Variants in XRRA1 observed in about 807,000 individuals in gnomAD.
The protein encoded by XRRA1 is X-ray radiation resistance associated 1, also known as X-ray radiation resistance-associated protein 1.
XRRA1 carries 69 observed loss-of-function variants against 80.2 expected under a neutral mutation model. The ratio of observed to expected loss-of-function variants is 0.86; its 90% confidence interval spans 0.71 to 1.05. XRRA1 has a LOEUF of 1.05. XRRA1 is among the 50% of genes least tolerant of loss of function. The probability of loss-of-function intolerance (pLI) is 0.00; values close to 1 mark genes in which losing one functional copy is unlikely to be tolerated. For synonymous variants in XRRA1, 348 were observed against 389.9 expected (o/e 0.89, Z 1.27); for missense variants, 967 against 976.4 (o/e 0.99, Z 0.13).
At chr11:74,890,013 A>G (rs1365671678) in intron 10 of XRRA1, among the ~76,000 whole-genome samples, 1 of 152,332 alleles carries the variant, frequency 6.6e-6, no homozygotes, top group East Asian at 1.9e-4. Context: ...GTTAACAAGG[A>G]TATCCAGGAA....
chr11:74,844,189 G>T lies in XRRA1; in HGVS notation c.2022C>A (p.Pro674=). ...SKPKLDTLQK[P]YVHKEKRAQR... ...TTACCCGTTTCTCTTTGTGAACATA[G>T]GGTTTCTGAAGAGTGTCCAGCTTGG... The change falls in exon 17 of 19, where the codon CCC becomes CCA. Residue 674 remains proline (P), a synonymous_variant. Transcript: ENST00000684022. 1 of 1,613,894 alleles carries T rather than the reference G, an allele frequency of 6.2e-7. No individual in the cohort carries two copies. Among genetic ancestry groups the T allele is most frequent in the South Asian group, 1.1e-5 (1 of 91,084 alleles).
At chr11:74,944,104 C>A (rs562289368) in intron 2 of XRRA1, among the ~76,000 whole-genome samples, 2 of 152,332 alleles carry the variant, frequency 1.3e-5, no homozygotes, top group Admixed American at 6.5e-5. Context: ...GTGGAAATAA[C>A]TGCTGCTTTT....
chr11:74,943,070 C>G (rs1219416046), intron 2 of XRRA1, among the ~76,000 whole-genome samples: 1 of 152,178 alleles, frequency 6.6e-6, no homozygotes, highest in African/African-American at 2.4e-5. Context: ...CCCAAGTGTT[C>G]CATTTCCCTA....
intron 10 of XRRA1, among the ~76,000 whole-genome samples, chr11:74,879,960 C>T (rs1193513158): frequency 1.3e-5 from 2 of 152,126 alleles, no homozygotes; most frequent in Middle Eastern, 6.8e-3. Flanking sequence ...GCTTTGGTAT[C>T]AGAATGATGC....
chr11:74,855,295 T>C (rs1373092393), intron 12 of XRRA1, among the ~76,000 whole-genome samples: 2 of 152,090 alleles, frequency 1.3e-5, no homozygotes, highest in African/African-American at 4.8e-5. Flanking sequence ...CAAGAGACAA[T>C]CACTAAAGAA....
At chr11:74,875,193 G>A (rs1228014953) in intron 10 of XRRA1, among the ~76,000 whole-genome samples, 1 of 152,164 alleles carries the variant, frequency 6.6e-6, no homozygotes, top group Non-Finnish European at 1.5e-5. Context: ...ATGCATTGTA[G>A]GACATCAGAA....
At chr11:74,875,640 G>A (rs1168303317) in intron 10 of XRRA1, among the ~76,000 whole-genome samples, 4 of 152,096 alleles carry the variant, frequency 2.6e-5, no homozygotes, top group Admixed American at 6.5e-5. Flanking sequence ...GCACTTTGGC[G>A]GGTGGATCAC....
chr11:74,895,354 GCA>G (rs1387109674), intron 10 of XRRA1, among the ~76,000 whole-genome samples: 1 of 152,206 alleles, frequency 6.6e-6, no homozygotes, highest in Non-Finnish European at 1.5e-5. Context: ...TGGTGCTGGT[GCA>G]CAGAGGCAGA....
chr11:74,861,217 C>T (rs1591678174), intron 11 of XRRA1, among the ~76,000 whole-genome samples: 1 of 152,300 alleles, frequency 6.6e-6, no homozygotes, highest in African/African-American at 2.4e-5. Context: ...TAGCTGGGGT[C>T]CCCAACCCTC....
At chr11:74,922,647 C>T (rs1025556368) in intron 7 of XRRA1, among the ~76,000 whole-genome samples, 1 of 152,166 alleles carries the variant, frequency 6.6e-6, no homozygotes, top group African/African-American at 2.4e-5. Context: ...TGGTCAGCCA[C>T]ATCAGTATTA....
At chr11:74,854,215 G>A (rs1418395478) in intron 12 of XRRA1, among the ~76,000 whole-genome samples, 1 of 152,176 alleles carries the variant, frequency 6.6e-6, no homozygotes, top group Non-Finnish European at 1.5e-5. Flanking sequence ...ACACTGGTCT[G>A]GAATACAGAG....
intron 12 of XRRA1, among the ~76,000 whole-genome samples, chr11:74,855,872 C>T (rs561377995): frequency 3.3e-5 from 5 of 152,290 alleles, no homozygotes; most frequent in Middle Eastern, 3.4e-3. Flanking sequence ...TGGTGGCTCA[C>T]GCCTGTAATC....
intron 6 of XRRA1, 83 bp downstream of exon 6, chr11:74,930,217 G>T (rs1427803073): frequency 1.0e-5 from 12 of 1,164,614 alleles, no homozygotes; most frequent in African/African-American, 1.5e-5. Context: ...ATCATAGATG[G>T]TTGGACAGAC....
At chr11:74,854,364 C>G (rs553570749) in intron 12 of XRRA1, among the ~76,000 whole-genome samples, 1 of 152,116 alleles carries the variant, frequency 6.6e-6, no homozygotes, top group Non-Finnish European at 1.5e-5. Flanking sequence ...AACATTTGAT[C>G]TTCTAGACCA....
At chr11:74,940,174 G>C (rs932410939) in intron 3 of XRRA1, among the ~76,000 whole-genome samples, 1 of 152,114 alleles carries the variant, frequency 6.6e-6, no homozygotes, top group Non-Finnish European at 1.5e-5. Context: ...CACCTATAGG[G>C]CTCTTATTAT....
intron 10 of XRRA1, among the ~76,000 whole-genome samples, chr11:74,872,397 A>G (rs1309757912): frequency 6.6e-6 from 1 of 152,152 alleles, no homozygotes; most frequent in Non-Finnish European, 1.5e-5. Context: ...TTGAAAAACC[A>G]CTTGAGGGTG....
At chr11:74,860,612 G>A (rs111414195) in intron 11 of XRRA1, among the ~76,000 whole-genome samples, 78 of 152,322 alleles carry the variant, frequency 5.1e-4, no homozygotes, top group African/African-American at 1.9e-3. Context: ...TGAGCACTGA[G>A]CAATCCTACA....
chr11:74,899,048 T>A (rs1032951643), intron 10 of XRRA1, among the ~76,000 whole-genome samples: 1 of 151,828 alleles, frequency 6.6e-6, no homozygotes, highest in Non-Finnish European at 1.5e-5. Context: ...AATCTTGAAA[T>A]AATATCAAAC....
rs1017051877 is a variant in XRRA1, at chr11:74,945,054, T to C, written c.-41A>G. On this transcript the variant is annotated 5_prime_UTR_variant, in exon 2 of 19. Coordinates refer to ENST00000684022, the MANE Select transcript of XRRA1 (RefSeq NM_001378157.1). ...CTTTGGGAATGGCCCCTTAACTTCC[T>C]TTTTTTTTTGTTTCTTCACTTGTTT... The C allele has an allele frequency of 6.7e-6, 1 of 148,736 alleles. No homozygotes were observed. The highest frequency in any genetic ancestry group is 2.5e-5 in the African/African-American group (1 of 40,512). The allele number at this position is 148,736 out of a possible 1,614,324, so 9.2% of individuals were successfully genotyped here. A position where few individuals can be genotyped will look rare whatever the true frequency, so the allele number is the denominator to read the frequency against.
Sources: allele counts gnomAD v4.1 joint callset (sites outside exome capture counted in the v4.1 genomes callset), GRCh38; gene constraint gnomAD v4.1.1; transcripts MANE v1.5; gene names NCBI Gene and HGNC (gene_info 2026-07-23, HGNC 2026-07-21).